DNMT3L: variants seen among roughly 807,000 people sequenced by gnomAD.
DNMT3L encodes the protein DNA methyltransferase 3 like, also known as DNA (cytosine-5)-methyltransferase 3-like.
A neutral mutation model predicts 36.2 loss-of-function variants in DNMT3L; 33 were observed. The ratio of observed to expected loss-of-function variants is 0.91; its 90% CI spans 0.69 to 1.22. The LOEUF is 1.22. DNMT3L is among the 50% of genes most tolerant of loss of function. The pLI, the probability that DNMT3L is intolerant of heterozygous loss-of-function variation, is 0.00. For missense variants in DNMT3L, 310 were observed against 303.1 expected (o/e 1.02, Z -0.17); for synonymous variants, 117 against 121.7 (o/e 0.96, Z 0.26).
chr21:44,260,715 C>T (rs560324307), intron 3 of DNMT3L, 80 bp downstream of exon 3: 1,162 of 1,589,076 alleles, frequency 7.3e-4, no homozygotes, highest in Middle Eastern at 1.8e-3. Context: ...ACATTGGTCT[C>T]CCAAAGTGCT....
chr21:44,256,660 C>T (rs990643551), intron 6 of DNMT3L, among the ~76,000 whole-genome samples: 25 of 152,008 alleles, frequency 1.6e-4, no homozygotes, highest in African/African-American at 5.8e-4. Context: ...CTGGCAGCTT[C>T]CAGAACCTCG....
chr21:44,258,610 G>A lies in DNMT3L; in HGVS notation c.429C>T (p.Tyr143=), dbSNP rs2040285099. The change falls in exon 6 of 12, where the codon TAC becomes TAT. Residue 143 remains tyrosine, a synonymous_variant. Transcript: ENST00000628202. This position sits in a 1 kb window ranked among gnomAD's most constrained non-coding sequence, Gnocchi z 6.2. ...CGCTTCGGGAGGACGGCAGGCACAGGTAGCACACCCAGTTGCTCATGGCGT... is the reference window on the plus strand; with the variant it reads ...CGCTTCGGGAGGACGGCAGGCACAGATAGCACACCCAGTTGCTCATGGCGT... ...KVHAMSNWVC[Y]LCLPSSRSGL... The A allele has an allele frequency of 6.2e-7, 1 of 1,612,372 alleles. No individual in the cohort carries two copies. Among genetic ancestry groups the A allele is most frequent in the Non-Finnish European group, 8.5e-7 (1 of 1,179,872 alleles).
At chr21:44,261,130 T>G (rs2040313908) in intron 2 of DNMT3L, 24 bp downstream of exon 2, 1 of 1,610,298 alleles carries the variant, frequency 6.2e-7, no homozygotes, top group Non-Finnish European at 8.5e-7. Context: ...AAGTGACTGG[T>G]CCAATAAGCA....
chr21:44,256,099 C>T lies in DNMT3L; in HGVS notation c.572G>A (p.Arg191Gln), dbSNP rs758293511. 3.7e-6 allele frequency: 6 copies of T among 1,613,800 alleles called. No individual in the cohort carries two copies. Among genetic ancestry groups the T allele is most frequent in the East Asian group, 2.2e-5 (1 of 44,884 alleles). Residue 191 changes from arginine (R) to glutamine (Q), a missense_variant, in exon 7 of 12, where the codon CGG becomes CAG. Transcript: ENST00000628202. ...GATGTCTTCAAAAAGGGACAGCACC[C>T]GGACTGGCTGTCTCCTCCACACAGG... ...TVPVWRRQPV[R>Q]VLSLFEDIKK...
chr21:44,260,153 G>A (rs2040304229), intron 3 of DNMT3L, among the ~76,000 whole-genome samples: 1 of 152,020 alleles, frequency 6.6e-6, no homozygotes, highest in Non-Finnish European at 1.5e-5. Flanking sequence ...CTGGCTTTTG[G>A]GCAGGAGTTG....
rs751070044 is a variant in DNMT3L, at chr21:44,254,675, C to T, written c.635G>A (p.Gly212Asp). The stretch of plus-strand genomic sequence containing the variant: ...ATGCTTCAGTTGTCCCGGGTCAGAA[C>T]CACTTTCCAAAAAGCCCAAACTCGT... Reference protein sequence around the residue: ...ELTSLGFLESGSDPGQLKHVV... With the variant: ...ELTSLGFLESDSDPGQLKHVV... The change falls in exon 8 of 12, where the codon GGT (glycine) becomes GAT (aspartate). Residue 212 changes from glycine (G) to aspartate (D), a missense_variant. Transcript: ENST00000628202. 3 of 1,613,996 alleles carry T rather than the reference C, an allele frequency of 1.9e-6. No homozygotes were observed. The highest frequency in any genetic ancestry group is 8.5e-7 in the Non-Finnish European group (1 of 1,179,984).
In DNMT3L at chr21:44,257,694, A is replaced by T. The variant is rs200434570; in HGVS notation, c.516+829T>A. Among the ~76,000 whole-genome samples the T allele has an allele frequency of 2.0e-3, 112 of 55,210 alleles. 4 individuals carry two copies. Among genetic ancestry groups the T allele is most frequent in the Middle Eastern group, 9.6e-3 (1 of 104 alleles). 36.2% of individuals were successfully genotyped at this position (55,210 alleles called of 152,430 possible). On this transcript the variant is annotated intron_variant, in intron 6 of 11. Coordinates refer to ENST00000628202, the MANE Select transcript of DNMT3L (RefSeq NM_175867.3). ...AGACTCCGTCTCAAAAAAAAAAAAAAAATAAATAAATAAATAAATAAATAA... is the reference window on the plus strand; with the variant it reads ...AGACTCCGTCTCAAAAAAAAAAAAATAATAAATAAATAAATAAATAAATAA...
At chr21:44,254,830 G>T (rs1601949997) in intron 7 of DNMT3L, 125 bp from the exon 8 acceptor site, 1 of 608,984 alleles carries the variant, frequency 1.6e-6, no homozygotes, top group Non-Finnish European at 2.5e-6. Context: ...GTATATTTTT[G>T]TTGTTGTTGT....
intron 8 of DNMT3L, 138 bp downstream of exon 8, chr21:44,254,479 C>G (rs143666529): frequency 3.6e-5 from 33 of 920,516 alleles, no homozygotes; most frequent in Non-Finnish European, 4.9e-5. Flanking sequence ...ACCAGGCTGC[C>G]GAGAGGCCCC....
At chr21:44,259,781 A>G in intron 3 of DNMT3L, 70 bp from the exon 4 acceptor site, 1 of 1,493,576 alleles carries the variant, frequency 6.7e-7, no homozygotes, top group Non-Finnish European at 9.2e-7. Flanking sequence ...TTAGGAATAA[A>G]TTTAGCCAAA....
At chr21:44,257,672 C>A (rs2040272032) in intron 6 of DNMT3L, among the ~76,000 whole-genome samples, 1 of 115,948 alleles carries the variant, frequency 8.6e-6, no homozygotes, top group African/African-American at 3.8e-5. Flanking sequence ...CAGAGCGAGA[C>A]TCCGTCTCAA....
chr21:44,258,442 G>A lies in DNMT3L; in HGVS notation c.516+81C>T, dbSNP rs2040282663. On this transcript the variant is annotated intron_variant, in intron 6 of 11. Coordinates refer to ENST00000628202, the MANE Select transcript of DNMT3L (RefSeq NM_175867.3). The surrounding 1 kb of genome is among the most constrained non-coding windows in gnomAD (Gnocchi z 6.2). ...AGCCGTGGTGCCCGTCGGCGCGCCT[G>A]CATTCTGCAGCGGGAACCGAGGGAA... The A allele has an allele frequency of 6.8e-7, 1 of 1,459,918 alleles. No individual in the cohort carries two copies. The allele number at this position is 1,459,918 out of a possible 1,614,324, so 90.4% of individuals were successfully genotyped here.
intron 3 of DNMT3L, among the ~76,000 whole-genome samples, chr21:44,260,074 A>G (rs545214176): frequency 1.7e-3 from 253 of 150,934 alleles, no homozygotes; most frequent in African/African-American, 5.9e-3. Flanking sequence ...AAAAAAAAGA[A>G]GAAGACTTAA....
At position 44,256,072 on chromosome 21, in the gene DNMT3L, T is replaced by C; in HGVS notation, c.599A>G (p.Lys200Arg). 2 of 1,613,944 alleles carry C rather than the reference T, an allele frequency of 1.2e-6. No homozygotes were observed. Among genetic ancestry groups the C allele is most frequent in the Non-Finnish European group, 1.7e-6 (2 of 1,179,996 alleles). ...VRVLSLFEDI[K>R]KELTSLGFLE... ...TTGGGACATCACTGACTCACCTTTCTTGATGTCTTCAAAAAGGGACAGCAC... is the reference window on the plus strand; with the variant it reads ...TTGGGACATCACTGACTCACCTTTCCTGATGTCTTCAAAAAGGGACAGCAC... Residue 200 changes from lysine to arginine, a missense_variant, in exon 7 of 12, where the codon AAG becomes AGG. By Grantham distance (26) the Lys-to-Arg change is conservative. Transcript: ENST00000628202.
At position 44,254,623 on chromosome 21, in the gene DNMT3L, C is replaced by T; in HGVS notation, c.687G>A (p.Arg229=). ...KHVVDVTDTV[R]KDVEEWGPFD... is the part of the protein sequence containing the mutation. ...AGTTCACGGCGGTACTCACATCCTTCCTCACTGTGTCTGTGACATCAACCA... is the reference window on the plus strand; with the variant it reads ...AGTTCACGGCGGTACTCACATCCTTTCTCACTGTGTCTGTGACATCAACCA... The change falls in exon 8 of 12, where the codon AGG becomes AGA. Residue 229 remains arginine, a synonymous_variant. Transcript: ENST00000628202. 2 of 1,613,912 alleles carry T rather than the reference C, an allele frequency of 1.2e-6. No homozygotes were observed. Among genetic ancestry groups the T allele is most frequent in the Non-Finnish European group, 1.7e-6 (2 of 1,179,936 alleles).
chr21:44,258,424 G>T lies in DNMT3L; in HGVS notation c.516+99C>A. 7.0e-7 allele frequency: 1 copy of T among 1,427,292 alleles called. No homozygotes were observed. Among genetic ancestry groups the T allele is most frequent in the South Asian group, 1.5e-5 (1 of 68,010 alleles). 88.4% of individuals were successfully genotyped at this position (1,427,292 alleles called of 1,614,324 possible). On this transcript the variant is annotated intron_variant, in intron 6 of 11. Transcript: ENST00000628202. The surrounding 1 kb of genome is among the most constrained non-coding windows in gnomAD (Gnocchi z 6.2). The stretch of plus-strand genomic sequence containing the variant: ...GTTTGCTCCCGAGGCTGCAGCCGTG[G>T]TGCCCGTCGGCGCGCCTGCATTCTG...
In DNMT3L at chr21:44,260,822, C is replaced by A. The variant is rs1261778445; in HGVS notation, c.124G>T (p.Val42Phe). The A allele has an allele frequency of 6.2e-7, 1 of 1,613,056 alleles. No individual in the cohort carries two copies. Among genetic ancestry groups the A allele is most frequent in the Non-Finnish European group, 8.5e-7 (1 of 1,179,906 alleles). The stretch of plus-strand genomic sequence containing the variant: ...TCTATATTTCGCTGGTTAGCCTTGA[C>A]TTCATATGCAATAAGATCTGGAAAG... The part of the protein sequence containing the change: ...GTGRDLIAYE[V>F]KANQRNIEDI... Residue 42 changes from valine to phenylalanine, a missense_variant, in exon 3 of 12, where the codon GTC becomes TTC. Val to Phe is a conservative substitution (Grantham distance 50). Coordinates refer to ENST00000628202, the MANE Select transcript of DNMT3L (RefSeq NM_175867.3).
intron 8 of DNMT3L, among the ~76,000 whole-genome samples, chr21:44,254,189 G>A (rs1183764370): frequency 6.6e-6 from 1 of 152,240 alleles, no homozygotes; most frequent in Non-Finnish European, 1.5e-5. Context: ...GTGACCAGTT[G>A]TCCAGGTCAA....
Position 44,259,657 on chromosome 21 carries a change from T to A in DNMT3L, c.206A>T (p.Glu69Val). ...CTTACATGGGGCGCAGATCCCTCCC[T>A]CAAACAGAGGGTGCTGTGTGTGAAC... Reference protein sequence around the residue: ...LQVHTQHPLFEGGICAPCKDK... With the variant: ...LQVHTQHPLFVGGICAPCKDK... The change falls in exon 4 of 12, where the codon GAG (glutamate) becomes GTG (valine). Residue 69 changes from glutamate to valine, a missense_variant. Transcript: ENST00000628202. 2 of 1,613,144 alleles carry A rather than the reference T, an allele frequency of 1.2e-6. No individual in the cohort carries two copies. The highest frequency in any genetic ancestry group is 1.7e-6 in the Non-Finnish European group (2 of 1,179,792).
Sources: allele counts gnomAD v4.1 joint callset (sites outside exome capture counted in the v4.1 genomes callset), GRCh38; gene constraint gnomAD v4.1.1; non-coding constraint Gnocchi (gnomAD v3.1); transcripts MANE v1.5; gene names NCBI Gene and HGNC (gene_info 2026-07-23, HGNC 2026-07-21).